Variants in SAMD12 observed in about 807,000 individuals in gnomAD.
SAMD12 encodes sterile alpha motif domain containing 12, also known as sterile alpha motif domain-containing protein 12.
Under a neutral mutation model 15.0 loss-of-function variants are expected in SAMD12, and 9 were observed. That is an observed-to-expected ratio of 0.60 (90% CI 0.36 to 1.05). The LOEUF is 1.05. SAMD12 is among the 50% of genes least tolerant of loss of function. SAMD12 has a pLI of 0.01. For synonymous variants in SAMD12, 86 were observed against 90.1 expected, an observed-to-expected ratio of 0.96 and a Z score of 0.25; for missense variants, 230 against 234.2, an observed-to-expected ratio of 0.98 and a Z score of 0.12.
chr8:118,195,756 T>TA (rs1327166295), exon 5 of SAMD12: 18 of 152,378 alleles, frequency 1.2e-4, no homozygotes, highest in Admixed American at 9.2e-4. Context: ...TGTGGACTGT[T>TA]GTTGCCCAAG....
chr8:118,500,971 G>A (rs1271953378), intron 2 of SAMD12, among the ~76,000 whole-genome samples: 7 of 152,180 alleles, frequency 4.6e-5, no homozygotes, highest in African/African-American at 7.2e-5. Flanking sequence ...TACTCACCTC[G>A]TTGTCCAGCA....
chr8:118,584,550 G>A (rs527802997), intron 1 of SAMD12, among the ~76,000 whole-genome samples: 22 of 152,148 alleles, frequency 1.4e-4, no homozygotes, highest in African/African-American at 3.4e-4. Context: ...AACTGACACC[G>A]CAGGCAGCTT....
At chr8:118,342,217 A>G (rs746237076) in intron 4 of SAMD12, among the ~76,000 whole-genome samples, 4 of 151,064 alleles carry the variant, frequency 2.6e-5, no homozygotes, top group Non-Finnish European at 5.9e-5. Context: ...ATTTGAACCC[A>G]GGAAGTGGGG....
At chr8:118,517,565 A>G (rs185311816) in intron 2 of SAMD12, among the ~76,000 whole-genome samples, 30 of 152,348 alleles carry the variant, frequency 2.0e-4, no homozygotes, top group African/African-American at 6.3e-4. Flanking sequence ...GTATCATCCA[A>G]GTGCTGACAG....
At chr8:118,293,745 C>A (rs1814546409) in intron 4 of SAMD12, among the ~76,000 whole-genome samples, 1 of 152,166 alleles carries the variant, frequency 6.6e-6, no homozygotes, top group Non-Finnish European at 1.5e-5. Context: ...ATATCCCCTA[C>A]TCTCGGGGCT....
At chr8:118,284,976 G>A (rs1221882659) in intron 4 of SAMD12, 3 of 150,188 alleles carry the variant, frequency 2.0e-5, no homozygotes, top group Admixed American at 1.3e-4. Context: ...AGAAGAAGCA[G>A]TGAATCAAAA....
chr8:118,303,459 C>T (rs1343959098), intron 4 of SAMD12, among the ~76,000 whole-genome samples: 2 of 152,180 alleles, frequency 1.3e-5, no homozygotes, highest in Non-Finnish European at 2.9e-5. Flanking sequence ...GAAGAAAGAA[C>T]ATGCAGCCCA....
chr8:118,330,052 T>G (rs1035896645), intron 4 of SAMD12, among the ~76,000 whole-genome samples: 16 of 151,660 alleles, frequency 1.1e-4, no homozygotes, highest in Admixed American at 1.0e-3. Flanking sequence ...TGCACATGGC[T>G]CAATCACACA....
chr8:118,376,349 T>C (rs1819388291), downstream of SAMD12, among the ~76,000 whole-genome samples: 1 of 152,122 alleles, frequency 6.6e-6, no homozygotes, highest in South Asian at 2.1e-4. Context: ...GTGGGGCCCT[T>C]GCTTGGTGAT....
chr8:118,510,237 AACACGCACACATGCATGCACACACAC>A (rs1459332503), intron 2 of SAMD12, among the ~76,000 whole-genome samples: 3 of 151,566 alleles, frequency 2.0e-5, no homozygotes, highest in African/African-American at 7.3e-5. Flanking sequence ...CATACACACA[AACACGCACACATGCATGCACACACAC>A]ACACACAAAT....
intron 2 of SAMD12, among the ~76,000 whole-genome samples, chr8:118,540,739 T>G (rs1281172007): frequency 6.6e-6 from 1 of 152,132 alleles, no homozygotes; most frequent in Admixed American, 6.5e-5. Context: ...CCTTAGCTCT[T>G]GAAAATTTTT....
At chr8:118,348,594 G>A (rs949470820) in intron 4 of SAMD12, among the ~76,000 whole-genome samples, 1 of 151,964 alleles carries the variant, frequency 6.6e-6, no homozygotes, top group African/African-American at 2.4e-5. Flanking sequence ...GGATGGTCTT[G>A]ATCTCCTGAC....
chr8:118,199,478 C>G (rs1044281811), intron 4 of SAMD12, among the ~76,000 whole-genome samples: 6 of 151,974 alleles, frequency 3.9e-5, no homozygotes, highest in Admixed American at 6.6e-5. Context: ...AAAATCAGAT[C>G]CAGAAAATGT....
chr8:118,543,631 C>CTTTTTTTTTTTTTTTTTT (rs397978436), intron 2 of SAMD12, among the ~76,000 whole-genome samples: 32 of 116,614 alleles, frequency 2.7e-4, no homozygotes, highest in South Asian at 6.1e-4. Flanking sequence ...TTCTTTCTTT[C>CTTTTTTTTTTTTTTTTTT]TTTTTTTTTT....
chr8:118,135,131 T>C, the SAMD12 span, among the ~76,000 whole-genome samples: 2 of 152,180 alleles, frequency 1.3e-5, no homozygotes, highest in African/African-American at 4.8e-5. Flanking sequence ...TGGTACAATA[T>C]AGGCAATCTA....
intron 2 of SAMD12, among the ~76,000 whole-genome samples, chr8:118,516,586 T>C (rs1257272065): frequency 6.6e-6 from 1 of 152,076 alleles, no homozygotes; most frequent in African/African-American, 2.4e-5. Context: ...ACTCCACTTT[T>C]CCTTAAATCT....
intron 4 of SAMD12, among the ~76,000 whole-genome samples, chr8:118,325,902 A>G (rs1248300376): frequency 1.3e-5 from 2 of 152,224 alleles, no homozygotes; most frequent in Non-Finnish European, 2.9e-5. Flanking sequence ...AATAATTTGG[A>G]GGCAAAAACC....
chr8:118,599,123 G>A (rs1827793624), intron 1 of SAMD12, among the ~76,000 whole-genome samples: 2 of 152,246 alleles, frequency 1.3e-5, no homozygotes, highest in South Asian at 2.1e-4. Context: ...TATACACAGA[G>A]CTTCAACCAC....
At chr8:118,436,816 C>G (rs542743715) in intron 3 of SAMD12, among the ~76,000 whole-genome samples, 13 of 152,166 alleles carry the variant, frequency 8.5e-5, no homozygotes, top group Non-Finnish European at 1.6e-4. Flanking sequence ...CAGGGCAACA[C>G]TTGGAAAAGA....
Sources: gnomAD v4.1 joint callset for allele counts (sites outside exome capture counted in the v4.1 genomes callset) on GRCh38, gnomAD v4.1.1 for gene constraint, MANE v1.5 for transcripts, NCBI Gene and HGNC (gene_info 2026-07-23, HGNC 2026-07-21) for gene names.